The following MAGI2 variants were observed in gnomAD, a reference collection of about 807,000 sequenced individuals.
The protein encoded by MAGI2 is membrane-associated guanylate kinase, WW and PDZ domain-containing protein 2.
MAGI2 carries 35 observed loss-of-function variants against 133.3 expected under a neutral mutation model. The ratio of observed to expected loss-of-function variants is 0.26; its 90% CI spans 0.20 to 0.35. The LOEUF is 0.35. MAGI2 is among the 10% of genes least tolerant of loss of function. The pLI, the probability that MAGI2 is intolerant of heterozygous loss-of-function variation, is 1.00. For synonymous variants in MAGI2, 729 were observed against 710.6 expected, an observed-to-expected ratio of 1.03 and a Z score of -0.41; for missense variants, 1,636 against 1,863.4, an observed-to-expected ratio of 0.88 and a Z score of 2.25.
intron 1 of MAGI2, among the ~76,000 whole-genome samples, chr7:79,028,516 A>G (rs1182298306): frequency 6.6e-6 from 1 of 151,628 alleles, no homozygotes; most frequent in Non-Finnish European, 1.5e-5. Context: ...AGGAGTAGAA[A>G]ATAGTTTTAT....
intron 1 of MAGI2, among the ~76,000 whole-genome samples, chr7:79,320,117 A>G: frequency 6.6e-6 from 1 of 152,230 alleles, no homozygotes; most frequent in East Asian, 1.9e-4. Flanking sequence ...TCAGATCACA[A>G]TCCCAGTAAT....
In MAGI2 at chr7:78,178,034, C is replaced by T. The variant is rs776408241; in HGVS notation, c.2380G>A (p.Gly794Arg). 9 of 1,612,864 alleles carry T rather than the reference C, an allele frequency of 5.6e-6. No individual in the cohort carries two copies. Among genetic ancestry groups the T allele is most frequent in the Admixed American group, 1.7e-5 (1 of 59,964 alleles). Residue 794 changes from glycine (G) to arginine (R), a missense_variant, in exon 14 of 22, where the codon GGG (glycine) becomes AGG (arginine). Around this residue, in one of 5 missense-constraint regions of MAGI2, gnomAD observed 920 missense variants for 1,093.5 expected, o/e 0.84. Coordinates refer to ENST00000354212, the MANE Select transcript of MAGI2 (RefSeq NM_012301.4). The part of the protein sequence containing the change: ...MESGFGFRIL[G>R]GDEPGQPILI... ...ACAGGCTGTCCAGGCTCATCTCCCC[C>T]GAGGATTCTGAAGCCAAATCCAGAC...
chr7:78,497,027 G>A (rs1192428844), intron 5 of MAGI2, among the ~76,000 whole-genome samples: 1 of 152,162 alleles, frequency 6.6e-6, no homozygotes, highest in Non-Finnish European at 1.5e-5. Context: ...ACGCTTAACA[G>A]ATGAACTATT....
At chr7:78,618,755 T>C (rs1209476524) in intron 3 of MAGI2, 2 of 151,738 alleles carry the variant, frequency 1.3e-5, no homozygotes, top group African/African-American at 4.8e-5. Context: ...TATTGAGTGA[T>C]TTAAGCCAGG....
In MAGI2 at chr7:79,189,912, A is replaced by G. The variant is rs1450867674; in HGVS notation, c.302-182706T>C. On this transcript the variant is annotated intron_variant, in intron 1 of 21. Transcript: ENST00000354212. ...TCAGATTTTCTTCTTTTACTTAGTA[A>G]TATGCACTTAAGGTCCCTCCCTGTC... is the stretch of plus-strand genomic sequence containing the variant. Among the ~76,000 whole-genome samples, 5 of 151,786 alleles carry G rather than the reference A, an allele frequency of 3.3e-5. No homozygotes were observed. In the East Asian group the frequency reaches 7.7e-4, roughly 23 times the overall value.
At chr7:78,807,518 C>T (rs1370615648) in intron 2 of MAGI2, among the ~76,000 whole-genome samples, 1 of 152,048 alleles carries the variant, frequency 6.6e-6, no homozygotes, top group East Asian at 1.9e-4. Flanking sequence ...ACTGTCTACT[C>T]ATGACAGAAT....
At chr7:78,401,063 C>T (rs1037894343) in intron 6 of MAGI2, among the ~76,000 whole-genome samples, 2 of 137,930 alleles carry the variant, frequency 1.5e-5, no homozygotes, top group African/African-American at 5.2e-5. Flanking sequence ...ATTTCCATTC[C>T]TTTGAAAAAA....
chr7:78,571,851 A>G (rs1423161052), intron 3 of MAGI2, among the ~76,000 whole-genome samples: 1 of 152,218 alleles, frequency 6.6e-6, no homozygotes, highest in Non-Finnish European at 1.5e-5. Context: ...CAAGACCTGG[A>G]AATTTTTCTA....
chr7:78,361,650 T>A (rs931283046), intron 7 of MAGI2, among the ~76,000 whole-genome samples: 2 of 152,230 alleles, frequency 1.3e-5, no homozygotes, highest in African/African-American at 4.8e-5. Context: ...TAAAAGTCCA[T>A]CTGCAATTAA....
At chr7:79,317,074 G>A (rs1050567649) in intron 1 of MAGI2, among the ~76,000 whole-genome samples, 9 of 143,348 alleles carry the variant, frequency 6.3e-5, no homozygotes, top group Admixed American at 2.9e-4. Context: ...CCAGGCTGGA[G>A]TGCAATGGCA....
intron 1 of MAGI2, among the ~76,000 whole-genome samples, chr7:79,307,564 CT>C (rs1179215333): frequency 6.6e-6 from 1 of 152,038 alleles, no homozygotes; most frequent in Non-Finnish European, 1.5e-5. Flanking sequence ...TCACTTTTAT[CT>C]AAGAAAAAAG....
chr7:78,824,015 A>C (rs1336400928), intron 2 of MAGI2, among the ~76,000 whole-genome samples: 1 of 152,116 alleles, frequency 6.6e-6, no homozygotes, highest in African/African-American at 2.4e-5. Flanking sequence ...TTTGTTTTCC[A>C]GTGATTATGT....
At chr7:78,235,453 G>A (rs1184462469) in intron 10 of MAGI2, among the ~76,000 whole-genome samples, 1 of 152,180 alleles carries the variant, frequency 6.6e-6, no homozygotes, top group Non-Finnish European at 1.5e-5. Flanking sequence ...TGTCGTGGGA[G>A]GAACCCAGTG....
At chr7:78,294,120 T>C (rs193153777) in intron 9 of MAGI2, among the ~76,000 whole-genome samples, 5 of 152,278 alleles carry the variant, frequency 3.3e-5, no homozygotes, top group African/African-American at 4.8e-5. Flanking sequence ...TGCCATTTTC[T>C]TTAGGGCTTT....
chr7:78,308,979 A>T (rs887760457), intron 9 of MAGI2, among the ~76,000 whole-genome samples: 2 of 152,264 alleles, frequency 1.3e-5, no homozygotes, highest in Non-Finnish European at 2.9e-5. Context: ...ATTCAAAATC[A>T]CAATGAGATA....
chr7:78,451,340 G>C (rs577958231), intron 6 of MAGI2, among the ~76,000 whole-genome samples: 1 of 151,990 alleles, frequency 6.6e-6, no homozygotes, highest in African/African-American at 2.4e-5. Flanking sequence ...TGTTTAGAAC[G>C]CAAAGGAAAA....
chr7:79,003,738 G>A (rs961614757), intron 2 of MAGI2, among the ~76,000 whole-genome samples: 2 of 152,188 alleles, frequency 1.3e-5, no homozygotes, highest in Admixed American at 1.3e-4. Flanking sequence ...TATACTGAGT[G>A]AACAAATAAC....
chr7:78,950,393 T>C (rs1801771325), intron 2 of MAGI2, among the ~76,000 whole-genome samples: 1 of 152,202 alleles, frequency 6.6e-6, no homozygotes, highest in Non-Finnish European at 1.5e-5. Flanking sequence ...ATGCAGTTAG[T>C]ATCCATATTT....
intron 2 of MAGI2, among the ~76,000 whole-genome samples, chr7:78,887,808 CAGA>C (rs1367702008): frequency 6.6e-6 from 1 of 152,218 alleles, no homozygotes; most frequent in Non-Finnish European, 1.5e-5. Context: ...TTGAGCAACG[CAGA>C]AGATGGGTGA....
Sources: gnomAD v4.1 joint callset for allele counts (sites outside exome capture counted in the v4.1 genomes callset) on GRCh38, gnomAD v4.1.1 for gene constraint, gnomAD v4.1.1 regional missense constraint, MANE v1.5 for transcripts, NCBI Gene and HGNC (gene_info 2026-07-23, HGNC 2026-07-21) for gene names.